The following MAP3K19 variants were observed in gnomAD, a reference collection of about 807,000 sequenced individuals.
MAP3K19 encodes mitogen-activated protein kinase kinase kinase 19.
Under a neutral mutation model 114.4 loss-of-function variants are expected in MAP3K19, and 91 were observed. That is an observed-to-expected ratio of 0.80 (90% CI 0.67 to 0.95). The LOEUF (loss-of-function observed/expected upper bound fraction) is 0.95. MAP3K19 is among the 40% of genes least tolerant of loss of function. The pLI, the probability that MAP3K19 is intolerant of heterozygous loss-of-function variation, is 0.00. For synonymous variants in MAP3K19, 518 were observed against 530.5 expected (o/e 0.98, Z 0.32); for missense variants, 1,471 against 1,573.2 (o/e 0.94, Z 1.10).
chr2:135,023,772 TA>T, intron 4 of MAP3K19: 1 of 328,126 alleles, frequency 3.0e-6, no homozygotes, highest in South Asian at 2.5e-5. Flanking sequence ...GGCACTTCTA[TA>T]ATTTCTTAAT....
chr2:135,013,323 A>G (rs947935308), intron 5 of MAP3K19, among the ~76,000 whole-genome samples: 153 of 149,590 alleles, frequency 1.0e-3, no homozygotes, highest in African/African-American at 3.1e-3. Flanking sequence ...AAAAAAAAAA[A>G]AAGAAGAAGA....
intron 6 of MAP3K19, among the ~76,000 whole-genome samples, chr2:135,001,631 T>C (rs1030389473): frequency 2.6e-5 from 4 of 152,254 alleles, no homozygotes; most frequent in Non-Finnish European, 5.9e-5. Flanking sequence ...ACATACAGCA[T>C]ACATTCCTAA....
intron 12 of MAP3K19, among the ~76,000 whole-genome samples, chr2:134,970,531 A>G (rs1366187101): frequency 6.6e-6 from 1 of 150,996 alleles, no homozygotes; most frequent in African/African-American, 2.4e-5. Flanking sequence ...AGGTTTTTCT[A>G]GATATAAGAT....
chr2:135,029,864 C>G (rs1688340365), intron 3 of MAP3K19, among the ~76,000 whole-genome samples: 1 of 152,216 alleles, frequency 6.6e-6, no homozygotes, highest in Non-Finnish European at 1.5e-5. Context: ...AAAATGTATC[C>G]TCTGAACTCT....
chr2:135,028,206 T>C (rs572645021), intron 3 of MAP3K19, among the ~76,000 whole-genome samples: 2 of 152,312 alleles, frequency 1.3e-5, no homozygotes, highest in East Asian at 3.9e-4. Flanking sequence ...GCAGAGTGTC[T>C]AACACACAGT....
chr2:134,991,834 G>T (rs1158747279), intron 8 of MAP3K19, among the ~76,000 whole-genome samples: 1 of 152,170 alleles, frequency 6.6e-6, no homozygotes, highest in Non-Finnish European at 1.5e-5. Context: ...CTGGACCAGA[G>T]AGCAGACCAT....
At chr2:135,005,079 T>C (rs1478270974) in intron 6 of MAP3K19, among the ~76,000 whole-genome samples, 2 of 152,136 alleles carry the variant, frequency 1.3e-5, no homozygotes, top group Non-Finnish European at 2.9e-5. Context: ...GACCAAAAGG[T>C]AGTATTGTGA....
At chr2:134,978,189 ATT>A (rs113734947) in intron 12 of MAP3K19, among the ~76,000 whole-genome samples, 237 of 137,178 alleles carry the variant, frequency 1.7e-3, no homozygotes, top group African/African-American at 4.8e-3. Context: ...CCTTATAATG[ATT>A]TTTTTTTTTT....
In MAP3K19 at chr2:134,986,822, A is replaced by G. The variant is rs1685160905; in HGVS notation, c.2050T>C (p.Tyr684His). The change falls in exon 10 of 13, where the codon TAT becomes CAT. Residue 684 changes from tyrosine (Y) to histidine (H), a missense_variant. Coordinates refer to ENST00000392915, the MANE Select transcript of MAP3K19 (RefSeq NM_025052.5). ...GGAGCCGAACATATCTCACGGTAAT[A>G]CGTGTTTTCATCCCTTTCAGTCTCT... ...VRETERDENT[Y>H]YREICSAPSG... The G allele has an allele frequency of 6.2e-7, 1 of 1,614,070 alleles. No individual in the cohort carries two copies. The highest frequency in any genetic ancestry group is 8.5e-7 in the Non-Finnish European group (1 of 1,180,056).
At chr2:135,046,438 G>A (rs577057685) in intron 1 of MAP3K19, among the ~76,000 whole-genome samples, 35 of 152,020 alleles carry the variant, frequency 2.3e-4, no homozygotes, top group Admixed American at 5.9e-4. Flanking sequence ...CCACCTTGCC[G>A]GCTAATTTTT....
chr2:135,003,687 T>C (rs1164780540), intron 6 of MAP3K19, among the ~76,000 whole-genome samples: 1 of 152,106 alleles, frequency 6.6e-6, no homozygotes, highest in Admixed American at 6.6e-5. Context: ...CCCGAGTAGC[T>C]GGGATTACAG....
chr2:134,978,841 C>G (rs1217070889), intron 12 of MAP3K19, among the ~76,000 whole-genome samples: 1 of 152,176 alleles, frequency 6.6e-6, no homozygotes, highest in Non-Finnish European at 1.5e-5. Context: ...TGCCATCTGA[C>G]CTGCCTTCCC....
chr2:135,043,161 G>A (rs1688679211), intron 1 of MAP3K19, among the ~76,000 whole-genome samples: 1 of 152,162 alleles, frequency 6.6e-6, no homozygotes, highest in African/African-American at 2.4e-5. Context: ...CAATGAAAAG[G>A]TCCAAGAGGT....
chr2:134,979,443 CGTGTGTGT>C (rs59337402), intron 12 of MAP3K19, among the ~76,000 whole-genome samples: 5,563 of 146,800 alleles, frequency 0.038, 378 homozygotes, highest in East Asian at 0.34. Context: ...TAAAGTGCTT[CGTGTGTGT>C]GTGTGTGTGT....
At chr2:135,001,572 T>C (rs1686447930) in intron 6 of MAP3K19, among the ~76,000 whole-genome samples, 1 of 152,244 alleles carries the variant, frequency 6.6e-6, no homozygotes, top group African/African-American at 2.4e-5. Flanking sequence ...AATATTTTTG[T>C]AGTTATCCTT....
At chr2:135,001,327 C>T (rs1381683476) in intron 6 of MAP3K19, among the ~76,000 whole-genome samples, 1 of 152,152 alleles carries the variant, frequency 6.6e-6, no homozygotes, top group African/African-American at 2.4e-5. Flanking sequence ...GCATGGAACA[C>T]TTGTCTAAAA....
intron 9 of MAP3K19, among the ~76,000 whole-genome samples, chr2:134,988,922 TG>T (rs1685367355): frequency 6.6e-6 from 1 of 152,214 alleles, no homozygotes; most frequent in South Asian, 2.1e-4. Context: ...GAAATCCCAC[TG>T]AAAACAGTTT....
In MAP3K19 at chr2:134,999,123, G is replaced by A. The variant is rs910988337; in HGVS notation, c.315-126C>T. ...TACTTCCAAATGGTGCTGCTGAAAGGAAAGGCTGAATCCTGAGAGGGTAAG... is the reference window on the plus strand; with the variant it reads ...TACTTCCAAATGGTGCTGCTGAAAGAAAAGGCTGAATCCTGAGAGGGTAAG... On this transcript the variant is annotated intron_variant, in intron 7 of 12. Coordinates refer to ENST00000392915, the MANE Select transcript of MAP3K19 (RefSeq NM_025052.5). This position sits in a 1 kb window ranked among gnomAD's most constrained non-coding sequence, Gnocchi z 4.1. The A allele has an allele frequency of 3.7e-5, 41 of 1,111,994 alleles. No homozygotes were observed. The African/African-American group carries it at 6.1e-4, about 17-fold the overall frequency. 68.9% of individuals were successfully genotyped at this position (1,111,994 alleles called of 1,614,324 possible).
chr2:134,966,992 T>G (rs1412987905), intron 12 of MAP3K19, among the ~76,000 whole-genome samples: 1 of 152,192 alleles, frequency 6.6e-6, no homozygotes, highest in East Asian at 1.9e-4. Context: ...TTTCAACAAT[T>G]TCTTTGCTGA....
Sources: gnomAD v4.1 joint callset for allele counts (sites outside exome capture counted in the v4.1 genomes callset) on GRCh38, gnomAD v4.1.1 for gene constraint, Gnocchi (gnomAD v3.1) non-coding constraint, MANE v1.5 for transcripts, NCBI Gene and HGNC (gene_info 2026-07-23, HGNC 2026-07-21) for gene names.